Variants in GREM2 observed in about 807,000 individuals in gnomAD.
GREM2 encodes the protein gremlin 2, DAN family BMP antagonist.
GREM2 carries 11 observed loss-of-function variants against 14.2 expected under a neutral mutation model. The ratio of observed to expected loss-of-function variants is 0.78; its 90% CI spans 0.49 to 1.28. The LOEUF is 1.28. GREM2 is among the 50% of genes most tolerant of loss of function. The pLI is 0.00. For missense variants in GREM2, 210 were observed against 218.5 expected (o/e 0.96, Z 0.24); for synonymous variants, 98 against 97.6 (o/e 1.00, Z -0.02).
At position 240,493,373 on chromosome 1, in the gene GREM2, T is replaced by G; in HGVS notation, c.103A>C (p.Lys35Gln). The change falls in exon 2 of 2, where the codon AAG (lysine) becomes CAG (glutamine). Residue 35 changes from lysine to glutamine, a missense_variant. By Grantham distance (53) the Lys-to-Gln change is moderately conservative (BLOSUM62 1). Coordinates refer to ENST00000318160, the MANE Select transcript of GREM2 (RefSeq NM_022469.4). Reference protein sequence around the residue: ...RPAGAIPSPYKDGSSNNSERW... With the variant: ...RPAGAIPSPYQDGSSNNSERW... ...TCCGAGTTGTTGCTGCTGCCGTCCTTGTAAGGCGAGGGGATGGCGCCCGCC... is the reference window on the plus strand; with the variant it reads ...TCCGAGTTGTTGCTGCTGCCGTCCTGGTAAGGCGAGGGGATGGCGCCCGCC... 6.2e-7 allele frequency: 1 copy of G among 1,613,876 alleles called. No homozygotes were observed. The highest frequency in any genetic ancestry group is 8.5e-7 in the Non-Finnish European group (1 of 1,180,002).
In GREM2 at chr1:240,494,833, G is replaced by A. The variant is rs192143906; in HGVS notation, c.-1-1357C>T. Among the ~76,000 whole-genome samples the A allele has an allele frequency of 4.5e-3, 678 of 152,198 alleles. 2 individuals carry two copies. Among genetic ancestry groups the A allele is most frequent in the Admixed American group, 6.9e-3 (105 of 15,284 alleles). On this transcript the variant is annotated intron_variant, in intron 1 of 1. Transcript: ENST00000318160. ...GGAGAATGGCGTGAACCCGGGAGGC[G>A]GAGCTTGCAATGAGCCGAGATGGCG...
intron 1 of GREM2, among the ~76,000 whole-genome samples, chr1:240,579,514 C>A (rs1054825950): frequency 3.3e-4 from 50 of 152,082 alleles, no homozygotes; most frequent in African/African-American, 1.1e-3. Flanking sequence ...CTTTGTAAAC[C>A]ATAACAACAG....
intron 1 of GREM2, among the ~76,000 whole-genome samples, chr1:240,550,702 T>C (rs1678831109): frequency 1.3e-5 from 2 of 152,238 alleles, no homozygotes; most frequent in South Asian, 2.1e-4. Flanking sequence ...TTTCCTTTTC[T>C]ATATTCACAT....
At chr1:240,551,902 T>G (rs960755518) in intron 1 of GREM2, among the ~76,000 whole-genome samples, 2 of 152,172 alleles carry the variant, frequency 1.3e-5, no homozygotes, top group African/African-American at 4.8e-5. Flanking sequence ...TATGCCAACC[T>G]TCCTTACAAA....
intron 1 of GREM2, among the ~76,000 whole-genome samples, chr1:240,528,468 T>C (rs1054694401): frequency 3.3e-5 from 5 of 152,144 alleles, no homozygotes; most frequent in African/African-American, 1.2e-4. Flanking sequence ...CCCTAATATT[T>C]TAGAAACATT....
intron 1 of GREM2, among the ~76,000 whole-genome samples, chr1:240,603,766 C>T (rs940319160): frequency 2.6e-5 from 4 of 151,856 alleles, no homozygotes; most frequent in Non-Finnish European, 5.9e-5. Flanking sequence ...TATACATACA[C>T]ACACACATAT....
At chr1:240,519,694 AT>A (rs1003901212) in intron 1 of GREM2, among the ~76,000 whole-genome samples, 18 of 149,988 alleles carry the variant, frequency 1.2e-4, no homozygotes, top group South Asian at 6.3e-4. Flanking sequence ...AAAAAGATAC[AT>A]TTTTTTTTTC....
intron 1 of GREM2, among the ~76,000 whole-genome samples, chr1:240,521,393 C>T (rs553938024): frequency 6.6e-6 from 1 of 151,750 alleles, no homozygotes; most frequent in African/African-American, 2.4e-5. Flanking sequence ...ACGGTGAAAC[C>T]CCGTCTCTAC....
At chr1:240,589,389 C>T (rs929926619) in intron 1 of GREM2, among the ~76,000 whole-genome samples, 7 of 150,366 alleles carry the variant, frequency 4.7e-5, no homozygotes, top group South Asian at 4.2e-4. Context: ...GAGCTGAGAT[C>T]GTGCCATTGC....
chr1:240,492,823 A>G lies in GREM2; in HGVS notation c.*146T>C. 2.5e-6 allele frequency: 2 copies of G among 790,934 alleles called. No homozygotes were observed. Among genetic ancestry groups the G allele is most frequent in the Non-Finnish European group, 3.4e-6 (2 of 584,502 alleles). The allele number at this position is 790,934 out of a possible 1,614,324, so 49.0% of individuals were successfully genotyped here. A position where few individuals can be genotyped will look rare whatever the true frequency, so the allele number is the denominator to read the frequency against. On this transcript the variant is annotated 3_prime_UTR_variant, in exon 2 of 2. Transcript: ENST00000318160. The stretch of plus-strand genomic sequence containing the variant: ...CTTGCGATCCACGTCTGTGACAAGG[A>G]CACCGTCAGCCCTAAGAGAAGTGCT...
intron 1 of GREM2, among the ~76,000 whole-genome samples, chr1:240,580,746 A>C (rs1054768520): frequency 1.3e-5 from 2 of 151,912 alleles, no homozygotes; most frequent in African/African-American, 4.8e-5. Context: ...TTATATTTTA[A>C]ATTTTTTGAA....
chr1:240,532,277 T>C (rs1247687175), intron 1 of GREM2, among the ~76,000 whole-genome samples: 10 of 151,934 alleles, frequency 6.6e-5, no homozygotes, highest in Admixed American at 6.6e-4. Flanking sequence ...AGAGACAGGG[T>C]TTCACCATGT....
At chr1:240,571,915 T>C (rs979157040) in intron 1 of GREM2, among the ~76,000 whole-genome samples, 1 of 152,152 alleles carries the variant, frequency 6.6e-6, no homozygotes, top group Admixed American at 6.6e-5. Context: ...AGAGCTGGGC[T>C]GTCCATCAAT....
At chr1:240,596,191 T>C (rs1047506430) in intron 1 of GREM2, among the ~76,000 whole-genome samples, 5 of 152,210 alleles carry the variant, frequency 3.3e-5, no homozygotes, top group Non-Finnish European at 7.3e-5. Context: ...ATGAAGATCC[T>C]ACTTGCTTAA....
intron 1 of GREM2, among the ~76,000 whole-genome samples, chr1:240,494,244 A>G: frequency 6.6e-6 from 1 of 152,216 alleles, no homozygotes; most frequent in Non-Finnish European, 1.5e-5. Flanking sequence ...TTTACAGTGA[A>G]GGGGTCACTT....
intron 1 of GREM2, among the ~76,000 whole-genome samples, chr1:240,608,919 T>C (rs575099646): frequency 6.6e-6 from 1 of 152,246 alleles, no homozygotes; most frequent in South Asian, 2.1e-4. Context: ...AGAGTTTGCA[T>C]GCTGCCCTCT....
At chr1:240,604,398 T>C (rs76603513) in intron 1 of GREM2, among the ~76,000 whole-genome samples, 1,688 of 152,094 alleles carry the variant, frequency 0.011, 31 homozygotes, top group African/African-American at 0.037. Flanking sequence ...TAATGAGATC[T>C]AAAAGCAGGT....
intron 1 of GREM2, among the ~76,000 whole-genome samples, chr1:240,541,441 A>G (rs2103326041): frequency 6.6e-6 from 1 of 152,190 alleles, no homozygotes; most frequent in African/African-American, 2.4e-5. Flanking sequence ...CTGCTGACTA[A>G]CTCACTTCCC....
intron 1 of GREM2, among the ~76,000 whole-genome samples, chr1:240,510,111 T>C (rs1228431402): frequency 6.6e-6 from 1 of 152,148 alleles, no homozygotes; most frequent in South Asian, 2.1e-4. Flanking sequence ...GGCTCACGCC[T>C]GTAATCCCAG....
Sources: gnomAD v4.1 joint callset for allele counts (sites outside exome capture counted in the v4.1 genomes callset) on GRCh38, gnomAD v4.1.1 for gene constraint, MANE v1.5 for transcripts, NCBI Gene and HGNC (gene_info 2026-07-23, HGNC 2026-07-21) for gene names.